Variants in DYSF observed in about 807,000 individuals in gnomAD.
DYSF encodes the protein dystrophy-associated fer-1-like 1.
DYSF carries 212 observed loss-of-function variants against 274.9 expected under a neutral mutation model. The observed-to-expected ratio is 0.77, with a 90% confidence interval of 0.69 to 0.86. The LOEUF is 0.86. Ranked by LOEUF, DYSF falls within the 40% of genes least tolerant of loss-of-function variation. The probability of loss-of-function intolerance (pLI) is 0.00; values close to 1 mark genes in which losing one functional copy is unlikely to be tolerated. For missense variants in DYSF, 2,666 were observed against 2,783.2 expected (o/e 0.96, Z 0.95); for synonymous variants, 1,091 against 1,078.7 (o/e 1.01, Z -0.22).
chr2:71,684,970 AG>A (rs371390228), intron 55 of DYSF, among the ~76,000 whole-genome samples: 1,845 of 152,322 alleles, frequency 0.012, 48 homozygotes, highest in African/African-American at 0.042. Context: ...TGAAAAGCCA[AG>A]GGGAGGGGAA....
intron 3 of DYSF, among the ~76,000 whole-genome samples, chr2:71,491,524 C>T (rs2083854854): frequency 6.6e-6 from 1 of 152,184 alleles, no homozygotes; most frequent in Non-Finnish European, 1.5e-5. Context: ...GGCATTAAGC[C>T]TAGGACCCAT....
chr2:71,563,991 CGGTGTGGCTGTGGGGCGTGGGCCT>C, intron 23 of DYSF, 43 bp from the exon 24 acceptor site: 1 of 1,605,724 alleles, frequency 6.2e-7, no homozygotes, highest in South Asian at 1.1e-5. Flanking sequence ...GGTCAGCTCA[CGGTGTGGCTGTGGGGCGTGGGCCT>C]GGTGTGTCAC....
At chr2:71,558,696 C>T (rs1330927431) in intron 22 of DYSF, among the ~76,000 whole-genome samples, 4 of 152,174 alleles carry the variant, frequency 2.6e-5, no homozygotes, top group Non-Finnish European at 5.9e-5. Flanking sequence ...GTTCTGGCGC[C>T]TTTGAGTCAC....
At chr2:71,517,191 C>A in intron 10 of DYSF, 152 bp downstream of exon 10, 1 of 787,076 alleles carries the variant, frequency 1.3e-6, no homozygotes, top group African/African-American at 1.7e-5. Context: ...CTCTGCACAG[C>A]ATCTCCTTTC....
intron 40 of DYSF, among the ~76,000 whole-genome samples, chr2:71,618,485 G>GT: frequency 6.7e-6 from 1 of 149,508 alleles, no homozygotes; most frequent in Non-Finnish European, 1.5e-5. Context: ...GTGTGTGTGT[G>GT]GTAGAGGTGA....
At chr2:71,456,195 C>T (rs1021475630) in intron 1 of DYSF, among the ~76,000 whole-genome samples, 1 of 152,078 alleles carries the variant, frequency 6.6e-6, no homozygotes, top group African/African-American at 2.4e-5. Flanking sequence ...ACACAGCTCA[C>T]CTTGGGGAAA....
intron 14 of DYSF, among the ~76,000 whole-genome samples, chr2:71,532,783 A>T (rs1314274570): frequency 6.6e-6 from 1 of 152,136 alleles, no homozygotes; most frequent in African/African-American, 2.4e-5. Flanking sequence ...AAAGTATCTT[A>T]TTTTAAAATT....
intron 17 of DYSF, among the ~76,000 whole-genome samples, chr2:71,541,639 T>C (rs1041738368): frequency 1.3e-5 from 2 of 152,058 alleles, no homozygotes; most frequent in African/African-American, 4.8e-5. Flanking sequence ...TTCTTGTCTT[T>C]ATTTTTAAAA....
chr2:71,551,276 C>A, intron 18 of DYSF, 120 bp downstream of exon 18: 1 of 983,286 alleles, frequency 1.0e-6, no homozygotes, highest in Non-Finnish European at 1.6e-6. Context: ...GCAGCCAACC[C>A]CTCAGGGAGT....
chr2:71,553,752 A>AAG, intron 20 of DYSF, 55 bp from the exon 21 acceptor site: 1 of 267,802 alleles, frequency 3.7e-6, no homozygotes. Context: ...TTAGCACCCC[A>AAG]TCCCACCCGC....
upstream of DYSF, among the ~76,000 whole-genome samples, chr2:71,466,282 C>G (rs1445824966): frequency 6.6e-6 from 1 of 152,210 alleles, no homozygotes; most frequent in East Asian, 1.9e-4. Flanking sequence ...TTGGTTTCCC[C>G]GAAGACACAC....
At chr2:71,535,197 C>T (rs2089190968) in intron 15 of DYSF, 71 bp from the exon 16 acceptor site, 4 of 1,596,902 alleles carry the variant, frequency 2.5e-6, no homozygotes, top group Non-Finnish European at 8.6e-7. Context: ...CAGACTTCAG[C>T]TCGGGGTAGG....
intron 41 of DYSF, among the ~76,000 whole-genome samples, chr2:71,621,673 T>A (rs116533991): frequency 0.023 from 3,457 of 151,416 alleles, 64 homozygotes; most frequent in Middle Eastern, 0.066. Context: ...ATATATATAT[T>A]TTTTGAGATG....
intron 3 of DYSF, among the ~76,000 whole-genome samples, chr2:71,494,566 C>T (rs2084189498): frequency 6.6e-6 from 1 of 152,202 alleles, no homozygotes; most frequent in South Asian, 2.1e-4. Context: ...TCCAGCACTC[C>T]TTCCACATGT....
chr2:71,596,680 C>T (rs148680155), intron 32 of DYSF, among the ~76,000 whole-genome samples: 1 of 152,196 alleles, frequency 6.6e-6, no homozygotes, highest in Non-Finnish European at 1.5e-5. Context: ...GGGCAGTTCT[C>T]TCTGGCTCCT....
intron 15 of DYSF, 67 bp from the exon 16 acceptor site, chr2:71,535,201 G>A: frequency 6.3e-7 from 1 of 1,598,178 alleles, no homozygotes; most frequent in Middle Eastern, 1.7e-4. Flanking sequence ...CTTCAGCTCG[G>A]GGTAGGGAGG....
chr2:71,566,479 A>G (rs1321806996), intron 24 of DYSF, among the ~76,000 whole-genome samples: 1 of 152,172 alleles, frequency 6.6e-6, no homozygotes, highest in Non-Finnish European at 1.5e-5. Flanking sequence ...GCAGAGACCA[A>G]GAAAACATTG....
At position 71,686,321 on chromosome 2, in the gene DYSF, G is replaced by C. The variant is rs561859621; in HGVS notation, c.6322-133G>C. ...CGTGGGCAGGTGGTTGAAGAGCCAC[G>C]AGCGTCCTCTCCCAGCCTCTTGCCT... On this transcript the variant is annotated intron_variant, in intron 55 of 55. Coordinates refer to ENST00000410020, the MANE Select transcript of DYSF (RefSeq NM_001130987.2). 6 of 1,117,924 alleles carry C rather than the reference G, an allele frequency of 5.4e-6. No homozygotes were observed. The East Asian group carries it at 9.4e-5, about 18-fold the overall frequency. The allele number at this position is 1,117,924 out of a possible 1,614,324, so 69.3% of individuals were successfully genotyped here.
upstream of DYSF, among the ~76,000 whole-genome samples, chr2:71,464,828 G>A (rs2081430179): frequency 6.6e-6 from 1 of 152,220 alleles, no homozygotes; most frequent in Non-Finnish European, 1.5e-5. Flanking sequence ...AGTCCATGGA[G>A]TCGATTAAAT....
Sources: allele counts gnomAD v4.1 joint callset (sites outside exome capture counted in the v4.1 genomes callset), GRCh38; gene constraint gnomAD v4.1.1; transcripts MANE v1.5; gene names NCBI Gene and HGNC (gene_info 2026-07-23, HGNC 2026-07-21).